ZNF479: variants seen among roughly 807,000 people sequenced by gnomAD.
The protein encoded by ZNF479 is zinc finger protein 479, also known as KRAB zinc finger protein KR19.
Under a neutral mutation model 14.7 loss-of-function variants are expected in ZNF479, and 15 were observed. The observed-to-expected ratio is 1.02, with a 90% confidence interval of 0.68 to 1.57. The LOEUF (loss-of-function observed/expected upper bound fraction) is 1.57, where lower values mean the gene tolerates loss of function less well. ZNF479 is among the 40% of genes most tolerant of loss of function. The probability of loss-of-function intolerance (pLI) is 0.00; values close to 1 mark genes in which losing one functional copy is unlikely to be tolerated. For synonymous variants in ZNF479, 145 were observed against 211.5 expected (o/e 0.69, Z 2.73); for missense variants, 506 against 615.1 (o/e 0.82, Z 1.88).
At chr7:57,123,085 G>A (rs1054943937) in intron 3 of ZNF479, among the ~76,000 whole-genome samples, 1 of 152,112 alleles carries the variant, frequency 6.6e-6, no homozygotes, top group Admixed American at 6.5e-5. Flanking sequence ...AATTCATAAA[G>A]AAAAAGATTT....
At chr7:57,128,513 C>T (rs577767186) in intron 1 of ZNF479, among the ~76,000 whole-genome samples, 8 of 152,146 alleles carry the variant, frequency 5.3e-5, no homozygotes, top group East Asian at 1.9e-4. Flanking sequence ...CCAAAGACAA[C>T]GGTATTTCCC....
chr7:57,128,799 A>T (rs1786294551), intron 1 of ZNF479, among the ~76,000 whole-genome samples: 1 of 152,252 alleles, frequency 6.6e-6, no homozygotes, highest in South Asian at 2.1e-4. Context: ...TCTGAACACA[A>T]GGCATTCCAA....
exon 1 of ZNF479, chr7:57,139,839 A>G (rs1786803721): frequency 6.6e-6 from 1 of 152,202 alleles, no homozygotes; most frequent in Non-Finnish European, 1.5e-5. Context: ...CCCATCACCT[A>G]CGTGATGTGA....
At chr7:57,138,026 C>T (rs1384361191) in intron 1 of ZNF479, among the ~76,000 whole-genome samples, 1 of 152,168 alleles carries the variant, frequency 6.6e-6, no homozygotes, top group Non-Finnish European at 1.5e-5. Context: ...TGACATATTG[C>T]TTTTCCTAGC....
At chr7:57,125,432 T>C (rs1414098054) in intron 3 of ZNF479, among the ~76,000 whole-genome samples, 1 of 151,370 alleles carries the variant, frequency 6.6e-6, no homozygotes, top group Non-Finnish European at 1.5e-5. Flanking sequence ...CACAGTAAAA[T>C]GAAGACATAA....
At chr7:57,132,478 A>G, upstream of ZNF479, 1 of 1,187,710 alleles carries the variant, frequency 8.4e-7, no homozygotes, top group Non-Finnish European at 1.2e-6. Context: ...TTCCAGCTGC[A>G]AGCCTGATTG....
At chr7:57,124,283 A>G (rs1031235572) in intron 3 of ZNF479, among the ~76,000 whole-genome samples, 7 of 152,214 alleles carry the variant, frequency 4.6e-5, no homozygotes, top group African/African-American at 1.7e-4. Flanking sequence ...AAGACATGAT[A>G]GAACAAAATA....
intron 1 of ZNF479, 47 bp downstream of exon 1, chr7:57,132,239 C>T (rs373819869): frequency 3.7e-5 from 59 of 1,613,948 alleles, no homozygotes; most frequent in African/African-American, 1.9e-4. Context: ...TCTGCCGGTT[C>T]CAATCAGCCC....
chr7:57,129,394 C>T (rs758410983), intron 1 of ZNF479, among the ~76,000 whole-genome samples: 13 of 152,294 alleles, frequency 8.5e-5, no homozygotes, highest in Non-Finnish European at 1.0e-4. Flanking sequence ...ATTGTGCTTT[C>T]GCAGACACAT....
chr7:57,132,151 G>A (rs866079976), intron 1 of ZNF479, 135 bp downstream of exon 1: 23 of 1,521,266 alleles, frequency 1.5e-5, no homozygotes, highest in East Asian at 2.3e-5. Context: ...GACGAGAGCC[G>A]AGCTGGGCCA....
At position 57,120,916 on chromosome 7, in the gene ZNF479, C is replaced by T; in HGVS notation, c.499G>A (p.Gly167Ser). The change falls in exon 4 of 4, where the codon GGT becomes AGT. Residue 167 changes from glycine (G) to serine (S), a missense_variant. Physicochemically the swap from Gly to Ser is moderately conservative, Grantham distance 56 (BLOSUM62 0). Coordinates refer to ENST00000319636, the MANE Select transcript of ZNF479 (RefSeq NM_001370129.2). ...FQTHKYVKVF[G>S]KFSNSNRDKT... Reference sequence around the variant, plus strand: ...TCTCTATTGGAATTTGAAAATTTACCAAAGACTTTGACATATTTATGAGTC... The same window carrying T: ...TCTCTATTGGAATTTGAAAATTTACTAAAGACTTTGACATATTTATGAGTC... 6.2e-7 allele frequency: 1 copy of T among 1,613,668 alleles called. No individual in the cohort carries two copies. Among genetic ancestry groups the T allele is most frequent in the Non-Finnish European group, 8.5e-7 (1 of 1,179,858 alleles).
rs568547451 is a variant in ZNF479 at position 57,132,145 on chromosome 7, A to G, written c.39+141T>C. The G allele has an allele frequency of 5.3e-5, 79 of 1,484,904 alleles. No individual in the cohort carries two copies. The African/African-American group carries it at 9.4e-4, about 18-fold the overall frequency. 92.0% of individuals were successfully genotyped at this position (1,484,904 alleles called of 1,614,324 possible). A position where few individuals can be genotyped will look rare whatever the true frequency, so the allele number is the denominator to read the frequency against. ...CACCATCTTGCGGCTGGAGGGGACG[A>G]GAGCCGAGCTGGGCCAAAGAGGATT... On this transcript the variant is annotated intron_variant, in intron 1 of 3. Coordinates refer to ENST00000319636, the MANE Select transcript of ZNF479 (RefSeq NM_001370129.2).
Position 57,119,771 on chromosome 7 carries a change from A to G in ZNF479, c.*69T>C, listed in dbSNP as rs1409058412. On this transcript the variant is annotated 3_prime_UTR_variant, in exon 4 of 4. Coordinates refer to ENST00000319636, the MANE Select transcript of ZNF479 (RefSeq NM_001370129.2). ...TTAAAGGCTTGGCCACATTCTCTAC[A>G]TTTGTAGTGTTTTTTTCCAGTGTAA... is the stretch of plus-strand genomic sequence containing the variant. 3.8e-6 allele frequency: 5 copies of G among 1,307,422 alleles called. No individual in the cohort carries two copies. The East Asian group carries it at 1.3e-4, about 33-fold the overall frequency. 81.0% of individuals were successfully genotyped at this position (1,307,422 alleles called of 1,614,324 possible).
chr7:57,129,567 T>C (rs4351367), intron 1 of ZNF479, among the ~76,000 whole-genome samples: 43,464 of 149,686 alleles, frequency 0.29, 7,116 homozygotes, highest in East Asian at 0.53. Context: ...CAGAAGACAG[T>C]AATGTCTGAG....
intron 3 of ZNF479, among the ~76,000 whole-genome samples, chr7:57,125,751 G>A (rs532290329): frequency 6.6e-4 from 101 of 152,262 alleles, no homozygotes; most frequent in Admixed American, 1.6e-3. Context: ...GTCAGTTTGC[G>A]CAGTCCCTGA....
At chr7:57,137,745 C>T (rs1314141839) in intron 1 of ZNF479, among the ~76,000 whole-genome samples, 1 of 152,198 alleles carries the variant, frequency 6.6e-6, no homozygotes, top group Non-Finnish European at 1.5e-5. Flanking sequence ...AGGTTGAGCA[C>T]CTAGATAATG....
At chr7:57,130,427 C>T (rs572833058) in intron 1 of ZNF479, among the ~76,000 whole-genome samples, 33 of 151,484 alleles carry the variant, frequency 2.2e-4, no homozygotes, top group South Asian at 8.3e-4. Context: ...GAGCTGAGAC[C>T]GCACCACTGC....
chr7:57,126,864 A>G (rs558270830), intron 1 of ZNF479, 146 bp from the exon 2 acceptor site: 17 of 676,754 alleles, frequency 2.5e-5, no homozygotes, highest in Middle Eastern at 2.5e-4. Flanking sequence ...TTATTCAATA[A>G]GATAATTTTT....
intron 1 of ZNF479, 55 bp from the exon 2 acceptor site, chr7:57,126,773 C>A (rs184860768): frequency 1.9e-6 from 3 of 1,602,246 alleles, no homozygotes; most frequent in Non-Finnish European, 2.6e-6. Flanking sequence ...TACCACACGG[C>A]CATAGGCAGA....
Sources: gnomAD v4.1 joint callset for allele counts (sites outside exome capture counted in the v4.1 genomes callset) on GRCh38, gnomAD v4.1.1 for gene constraint, MANE v1.5 for transcripts, NCBI Gene and HGNC (gene_info 2026-07-23, HGNC 2026-07-21) for gene names.